The following NKAIN3 variants were observed in gnomAD, a reference collection of about 807,000 sequenced individuals.
NKAIN3 encodes sodium/potassium-transporting ATPase subunit beta-1-interacting protein 3.
Under a neutral mutation model 30.2 loss-of-function variants are expected in NKAIN3, and 25 were observed. The ratio of observed to expected loss-of-function variants is 0.83; its 90% CI spans 0.60 to 1.16. The LOEUF is 1.16. NKAIN3 is among the 50% of genes most tolerant of loss of function. NKAIN3 has a pLI of 0.00. For missense variants in NKAIN3, 225 were observed against 254.1 expected, an observed-to-expected ratio of 0.89 and a Z score of 0.78; for synonymous variants, 91 against 89.6, an observed-to-expected ratio of 1.02 and a Z score of -0.09.
intron 3 of NKAIN3, among the ~76,000 whole-genome samples, chr8:62,661,730 T>C (rs1268462299): frequency 1.3e-5 from 2 of 152,204 alleles, no homozygotes; most frequent in African/African-American, 4.8e-5. Context: ...TCCCCTGCAC[T>C]ACCTCTTTGG....
chr8:62,368,220 C>G (rs1324380657), intron 1 of NKAIN3, among the ~76,000 whole-genome samples: 2 of 152,062 alleles, frequency 1.3e-5, no homozygotes, highest in Non-Finnish European at 2.9e-5. Flanking sequence ...AGAAAGAACA[C>G]TTCTAAAATT....
At chr8:62,481,489 C>T (rs1806718406) in intron 1 of NKAIN3, among the ~76,000 whole-genome samples, 1 of 152,116 alleles carries the variant, frequency 6.6e-6, no homozygotes, top group African/African-American at 2.4e-5. Flanking sequence ...TTTGTGTTAT[C>T]CTGACTAGAC....
chr8:62,945,554 G>A (rs1823099816), intron 5 of NKAIN3, among the ~76,000 whole-genome samples: 1 of 152,186 alleles, frequency 6.6e-6, no homozygotes, highest in Admixed American at 6.5e-5. Flanking sequence ...CTGGAAAGAA[G>A]ATGATTATAG....
At chr8:62,877,514 A>G (rs1056469829) in intron 4 of NKAIN3, among the ~76,000 whole-genome samples, 4 of 152,224 alleles carry the variant, frequency 2.6e-5, no homozygotes, top group African/African-American at 9.6e-5. Flanking sequence ...AGCCTGCCAG[A>G]TAATGACTTG....
In NKAIN3 at chr8:62,302,906, T is replaced by A. The variant is rs576471979; in HGVS notation, c.54+53779T>A. 8.2e-4 allele frequency among the ~76,000 whole-genome samples: 120 copies of A among 146,922 alleles called. 13 individuals carry two copies. Among genetic ancestry groups the A allele is most frequent in the African/African-American group, 3.2e-3 (118 of 36,626 alleles). On this transcript the variant is annotated intron_variant, in intron 1 of 6. Transcript: ENST00000623646. The stretch of plus-strand genomic sequence containing the variant: ...TTACAGTGGTAACATTATATAGAGG[T>A]TTGGGCTGTTAACTCCTCCCAGATT...
At chr8:62,465,105 T>A (rs938760336) in intron 1 of NKAIN3, among the ~76,000 whole-genome samples, 1 of 152,192 alleles carries the variant, frequency 6.6e-6, no homozygotes, top group Non-Finnish European at 1.5e-5. Flanking sequence ...TTTCAAATAT[T>A]CAAGCTCAAA....
intron 1 of NKAIN3, among the ~76,000 whole-genome samples, chr8:62,478,541 T>A (rs1563416712): frequency 6.6e-6 from 1 of 152,204 alleles, no homozygotes; most frequent in Non-Finnish European, 1.5e-5. Flanking sequence ...AGTCATGCAA[T>A]CATGCACTTA....
chr8:62,337,587 C>T (rs60744448), intron 1 of NKAIN3, among the ~76,000 whole-genome samples: 1 of 86,060 alleles, frequency 1.2e-5, no homozygotes, highest in African/African-American at 4.1e-5. Flanking sequence ...ATATATATAA[C>T]ACAACACACA....
chr8:62,778,773 G>C (rs1002982028), intron 4 of NKAIN3, among the ~76,000 whole-genome samples: 1 of 152,000 alleles, frequency 6.6e-6, no homozygotes, highest in Non-Finnish European at 1.5e-5. Context: ...TTCTCAAGCA[G>C]AAAGAGTCCC....
At chr8:62,467,797 A>G (rs1481687150) in intron 1 of NKAIN3, among the ~76,000 whole-genome samples, 1 of 152,032 alleles carries the variant, frequency 6.6e-6, no homozygotes, top group Non-Finnish European at 1.5e-5. Flanking sequence ...ACAAGGTTTC[A>G]CTTTGTCACC....
intron 1 of NKAIN3, among the ~76,000 whole-genome samples, chr8:62,373,473 G>C (rs192645858): frequency 2.6e-5 from 4 of 152,170 alleles, no homozygotes; most frequent in Non-Finnish European, 5.9e-5. Flanking sequence ...AGAGAGGAGA[G>C]ATTATACTGA....
At chr8:62,788,686 T>G (rs577451137) in intron 4 of NKAIN3, among the ~76,000 whole-genome samples, 1 of 152,120 alleles carries the variant, frequency 6.6e-6, no homozygotes, top group Non-Finnish European at 1.5e-5. Context: ...TGTAAGTCTT[T>G]AATCCATCTT....
chr8:62,267,330 A>G (rs923361153), intron 1 of NKAIN3, among the ~76,000 whole-genome samples: 2 of 152,192 alleles, frequency 1.3e-5, no homozygotes, highest in Non-Finnish European at 2.9e-5. Context: ...AAAACTTGCC[A>G]GTTTGTTTCC....
chr8:62,872,882 A>G (rs1294834019), intron 4 of NKAIN3, among the ~76,000 whole-genome samples: 1 of 152,170 alleles, frequency 6.6e-6, no homozygotes, highest in Non-Finnish European at 1.5e-5. Context: ...ACGGAAAGGA[A>G]AAACTGGTAC....
At chr8:62,267,635 C>T (rs968057094) in intron 1 of NKAIN3, among the ~76,000 whole-genome samples, 5 of 152,184 alleles carry the variant, frequency 3.3e-5, no homozygotes, top group African/African-American at 1.2e-4. Flanking sequence ...CCCCACAGTG[C>T]TTGTGTCCTG....
At chr8:62,395,125 C>T (rs1817709361) in intron 1 of NKAIN3, among the ~76,000 whole-genome samples, 2 of 148,950 alleles carry the variant, frequency 1.3e-5, no homozygotes, top group Admixed American at 1.3e-4. Flanking sequence ...AGAGGTGCTC[C>T]TCACTTCCCA....
chr8:62,420,631 C>T (rs1175698104), intron 1 of NKAIN3, among the ~76,000 whole-genome samples: 1 of 151,996 alleles, frequency 6.6e-6, no homozygotes, highest in African/African-American at 2.4e-5. Flanking sequence ...GGCTTTGTGA[C>T]ATTGTGTGAA....
At chr8:62,299,248 G>A (rs938664170) in intron 1 of NKAIN3, among the ~76,000 whole-genome samples, 1 of 152,058 alleles carries the variant, frequency 6.6e-6, no homozygotes, top group Non-Finnish European at 1.5e-5. Flanking sequence ...GCAAAGAAGA[G>A]AAAAACCTCC....
chr8:62,252,505 T>C (rs556168327), intron 1 of NKAIN3, among the ~76,000 whole-genome samples: 1 of 152,238 alleles, frequency 6.6e-6, no homozygotes, highest in Non-Finnish European at 1.5e-5. Context: ...AGTCATTTTC[T>C]ACTTTTTTCA....
Sources: allele counts gnomAD v4.1 joint callset (sites outside exome capture counted in the v4.1 genomes callset), GRCh38; gene constraint gnomAD v4.1.1; transcripts MANE v1.5; gene names NCBI Gene and HGNC (gene_info 2026-07-23, HGNC 2026-07-21).